Variants in PDCD6 observed in about 807,000 individuals in gnomAD.
PDCD6 encodes programmed cell death protein 6.
PDCD6 carries 12 observed loss-of-function variants against 28.3 expected under a neutral mutation model. That is an observed-to-expected ratio of 0.42 (90% CI 0.27 to 0.69). The LOEUF is 0.69. PDCD6 is among the 30% of genes least tolerant of loss of function. The pLI is 0.22. For synonymous variants in PDCD6, 92 were observed against 108.0 expected (o/e 0.85, Z 0.92); for missense variants, 226 against 269.9 (o/e 0.84, Z 1.14).
rs1414470495 is a variant in PDCD6 at position 307,259 on chromosome 5, C to T, written c.367+499C>T. ...GTGTGCTCGGCGTGTGTGTGCTCGG[C>T]GTGTGTGTGCACACGTGTGCCGTGC... On this transcript the variant is annotated intron_variant, in intron 4 of 5. Transcript: ENST00000264933. The surrounding 1 kb of genome is among the most constrained non-coding windows in gnomAD (Gnocchi z 6.1). Among the ~76,000 whole-genome samples the T allele has an allele frequency of 2.1e-5, 2 of 93,776 alleles. No homozygotes were observed. The highest frequency in any genetic ancestry group is 1.9e-4 in the Admixed American group (2 of 10,598). The allele number at this position is 93,776 out of a possible 152,430, so 61.5% of individuals were successfully genotyped here.
rs1741147999 is a variant in PDCD6, at chr5:314,561, T to C, written c.*46T>C. 7.6e-7 allele frequency: 1 copy of C among 1,319,764 alleles called. No homozygotes were observed. The highest frequency in any genetic ancestry group is 1.4e-5 in the African/African-American group (1 of 69,350). 81.8% of individuals were successfully genotyped at this position (1,319,764 alleles called of 1,614,324 possible). A position where few individuals can be genotyped will look rare whatever the true frequency, so the allele number is the denominator to read the frequency against. ...CAGCACAACATGGAAAGAGCCAAAA[T>C]GTCACAGTTCCTATCTGTGAGGGAA... On this transcript the variant is annotated 3_prime_UTR_variant, in exon 6 of 6. Coordinates refer to ENST00000264933, the MANE Select transcript of PDCD6 (RefSeq NM_013232.4).
chr5:282,977 G>C (rs1053565766), intron 2 of PDCD6, among the ~76,000 whole-genome samples: 2 of 152,084 alleles, frequency 1.3e-5, no homozygotes, highest in African/African-American at 4.8e-5. Context: ...TGCACCTGGA[G>C]AACTGGACAG....
chr5:306,700 G>A lies in PDCD6; in HGVS notation c.307G>A (p.Asp103Asn), dbSNP rs1004444042. Residue 103 changes from aspartate (D) to asparagine (N), a missense_variant, in exon 4 of 6, where the codon GAC becomes AAC. Transcript: ENST00000264933. ...TDWQNVFRTYDRDNSGMIDKN... is the reference protein window; with the variant it reads ...TDWQNVFRTYNRDNSGMIDKN... ...CTGGCAGAACGTCTTCCGCACGTAC[G>A]ACCGGGACAACTCCGGGATGATCGA... The A allele has an allele frequency of 5.6e-6, 9 of 1,613,910 alleles. No homozygotes were observed. The highest frequency in any genetic ancestry group is 2.2e-5 in the East Asian group (1 of 44,892).
intron 2 of PDCD6, among the ~76,000 whole-genome samples, chr5:273,949 T>A (rs1738015931): frequency 7.1e-6 from 1 of 140,098 alleles, no homozygotes; most frequent in South Asian, 2.3e-4. Context: ...TTTTTTTTTT[T>A]ATTTGCATCT....
intron 2 of PDCD6, chr5:290,035 A>G: frequency 6.3e-7 from 1 of 1,591,054 alleles, no homozygotes; most frequent in African/African-American, 1.3e-5. Context: ...AGTAAAAGGG[A>G]TACTGTTAAA....
intron 2 of PDCD6, among the ~76,000 whole-genome samples, chr5:298,758 ACTGCTCCCCCCCAG>A (rs1263594651): frequency 3.5e-4 from 1 of 2,880 alleles, no homozygotes; most frequent in East Asian, 4.1e-3. Context: ...CTCACCCCCA[ACTGCTCCCCCCCAG>A]CTGCTCCCCC....
At chr5:285,816 C>T (rs1336975622) in intron 2 of PDCD6, among the ~76,000 whole-genome samples, 5 of 150,858 alleles carry the variant, frequency 3.3e-5, no homozygotes, top group Non-Finnish European at 7.4e-5. Flanking sequence ...GCTGATGTTC[C>T]AGTTTGAGGG....
At position 314,549 on chromosome 5, in the gene PDCD6, A is replaced by C. The variant is rs951634157; in HGVS notation, c.*34A>C. The C allele has an allele frequency of 1.4e-6, 2 of 1,435,630 alleles. No homozygotes were observed. The highest frequency in any genetic ancestry group is 1.7e-5 in the Admixed American group (1 of 59,688). 88.9% of individuals were successfully genotyped at this position (1,435,630 alleles called of 1,614,324 possible). ...TCTCGTGAAGAGCAGCACAACATGG[A>C]AAGAGCCAAAATGTCACAGTTCCTA... On this transcript the variant is annotated 3_prime_UTR_variant, in exon 6 of 6. Coordinates refer to ENST00000264933, the MANE Select transcript of PDCD6 (RefSeq NM_013232.4).
chr5:307,240 TCGGCG>T lies in PDCD6; in HGVS notation c.367+481_367+485del, dbSNP rs879833590. On this transcript the variant is annotated intron_variant, in intron 4 of 5. Transcript: ENST00000264933. The surrounding 1 kb of genome is among the most constrained non-coding windows in gnomAD (Gnocchi z 6.1). ...TCAGGTGTGCTCGGCGTGTGTGTGC[TCGGCG>T]TGTGTGTGCTCGGCGTGTGTGTGCA... 0.02 allele frequency among the ~76,000 whole-genome samples: 2,636 copies of T among 132,204 alleles called. 65 individuals are homozygous for T. The highest frequency in any genetic ancestry group is 0.026 in the Non-Finnish European group (1,627 of 63,650). The allele number at this position is 132,204 out of a possible 152,430, so 86.7% of individuals were successfully genotyped here. A position where few individuals can be genotyped will look rare whatever the true frequency, so the allele number is the denominator to read the frequency against.
In PDCD6 at chr5:307,440, C is replaced by T. The variant is rs1001051900; in HGVS notation, c.367+680C>T. On this transcript the variant is annotated intron_variant, in intron 4 of 5. Coordinates refer to ENST00000264933, the MANE Select transcript of PDCD6 (RefSeq NM_013232.4). This position sits in a 1 kb window ranked among gnomAD's most constrained non-coding sequence, Gnocchi z 6.1. Reference sequence around the variant, plus strand: ...CTCAGGTGCGCTCAGCGTGTGTGTGCTTGACGCGTGTGCACACACACATGT... The same window carrying T: ...CTCAGGTGCGCTCAGCGTGTGTGTGTTTGACGCGTGTGCACACACACATGT... Among the ~76,000 whole-genome samples, 4 of 152,162 alleles carry T rather than the reference C, an allele frequency of 2.6e-5. No individual in the cohort carries two copies. Among genetic ancestry groups the T allele is most frequent in the Admixed American group, 2.0e-4 (3 of 15,284 alleles).
rs1334179002 is a variant in PDCD6, at chr5:298,122, A to G, written c.164-6055A>G. Among the ~76,000 whole-genome samples the G allele has an allele frequency of 2.0e-5, 3 of 152,276 alleles. No homozygotes were observed. The East Asian group carries it at 5.8e-4, about 29-fold the overall frequency. The stretch of plus-strand genomic sequence containing the variant: ...TCCAGGCACACAGAACTGACCCAGC[A>G]TCCAGCTCTGCTCATGATTTCAGGG... On this transcript the variant is annotated intron_variant, in intron 2 of 5. Transcript: ENST00000264933.
chr5:294,176 T>C (rs1739457017), intron 2 of PDCD6, among the ~76,000 whole-genome samples: 1 of 151,702 alleles, frequency 6.6e-6, no homozygotes, highest in Admixed American at 6.6e-5. Context: ...AAAAGCATGA[T>C]TCATAAAAGA....
chr5:278,289 G>A (rs1176977148), intron 2 of PDCD6, among the ~76,000 whole-genome samples: 1 of 151,778 alleles, frequency 6.6e-6, no homozygotes, highest in Admixed American at 6.6e-5. Flanking sequence ...CCCTGTCCAG[G>A]CACTGGGGAT....
intron 2 of PDCD6, among the ~76,000 whole-genome samples, chr5:281,366 G>C (rs542965109): frequency 6.6e-6 from 1 of 152,316 alleles, no homozygotes; most frequent in South Asian, 2.1e-4. Context: ...CCTTGGGGAG[G>C]AGCCGGTGCT....
chr5:291,075 G>T (rs1297666253), intron 2 of PDCD6, among the ~76,000 whole-genome samples: 8 of 152,174 alleles, frequency 5.3e-5, no homozygotes, highest in Admixed American at 3.9e-4. Flanking sequence ...GCTCCCTGGA[G>T]GCCCTGCCTG....
chr5:309,654 C>A (rs1740773396), intron 4 of PDCD6: 3 of 127,254 alleles, frequency 2.4e-5, no homozygotes, highest in African/African-American at 5.9e-5. Flanking sequence ...GGCCGCCGTC[C>A]CCGTGCACAC....
At chr5:275,173 C>T (rs10065239) in intron 2 of PDCD6, among the ~76,000 whole-genome samples, 19,988 of 152,222 alleles carry the variant, frequency 0.13, 1,398 homozygotes, top group Admixed American at 0.17. Context: ...GACCTCCCAA[C>T]ACTTTGGGAG....
At chr5:300,474 C>T (rs1739983818) in intron 2 of PDCD6, among the ~76,000 whole-genome samples, 1 of 152,208 alleles carries the variant, frequency 6.6e-6, no homozygotes, top group African/African-American at 2.4e-5. Flanking sequence ...TCAGGGACCC[C>T]CATGCAGTCT....
chr5:288,311 T>TACAC (rs1554006399), intron 2 of PDCD6, among the ~76,000 whole-genome samples: 3,443 of 144,928 alleles, frequency 0.024, 57 homozygotes, highest in Middle Eastern at 0.058. Context: ...TATATATATA[T>TACAC]ACACATATGT....
Sources: gnomAD v4.1 joint callset for allele counts (sites outside exome capture counted in the v4.1 genomes callset) on GRCh38, gnomAD v4.1.1 for gene constraint, Gnocchi (gnomAD v3.1) non-coding constraint, MANE v1.5 for transcripts, NCBI Gene and HGNC (gene_info 2026-07-23, HGNC 2026-07-21) for gene names.